TMLHE: variants seen among roughly 807,000 people sequenced by gnomAD.
The protein encoded by TMLHE is trimethyllysine hydroxylase, epsilon, also known as trimethyllysine dioxygenase, mitochondrial.
In TMLHE, 18 loss-of-function variants were observed where a neutral mutation model predicts 25.7. That is an observed-to-expected ratio of 0.70 (90% CI 0.48 to 1.04). TMLHE has a LOEUF of 1.04. Among genes scored for constraint, TMLHE ranks in the 50% least tolerant of loss-of-function variants. TMLHE has a pLI of 0.00. For synonymous variants in TMLHE, 105 were observed against 97.0 expected, an observed-to-expected ratio of 1.08 and a Z score of -0.49; for missense variants, 236 against 259.0, an observed-to-expected ratio of 0.91 and a Z score of 0.61.
At chrX:155,557,534 A>C (rs1169374466) in intron 1 of TMLHE, among the ~76,000 whole-genome samples, 1 of 112,143 alleles carries the variant, frequency 8.9e-6, no homozygotes, top group Non-Finnish European at 1.9e-5. Flanking sequence ...CACGTCTTCA[A>C]ATATTGTTTC....
intron 2 of TMLHE, among the ~76,000 whole-genome samples, chrX:155,542,935 GGTGT>G (rs781984053): frequency 9.3e-6 from 1 of 107,535 alleles, no homozygotes; most frequent in African/African-American, 3.4e-5. Context: ...TATTTTAAGG[GGTGT>G]GTGTGTGTGT....
chrX:155,577,171 A>C (rs1336123598), intron 1 of TMLHE, among the ~76,000 whole-genome samples: 3 of 112,324 alleles, frequency 2.7e-5, no homozygotes, highest in Admixed American at 1.9e-4. Flanking sequence ...AAAACCAAAC[A>C]ACCCCATTAA....
chrX:155,570,661 T>C (rs2067543364), intron 1 of TMLHE, among the ~76,000 whole-genome samples: 1 of 57,008 alleles, frequency 1.8e-5, no homozygotes, highest in African/African-American at 4.2e-5. Flanking sequence ...GCAATCAAAC[T>C]AGAACTCAGG....
intron 1 of TMLHE, among the ~76,000 whole-genome samples, chrX:155,565,675 AG>A (rs1557342135): frequency 1.6e-5 from 1 of 62,000 alleles, no homozygotes; most frequent in Non-Finnish European, 4.5e-5. Context: ...GTGCCAAGTA[AG>A]GTTTTTCTGA....
intron 1 of TMLHE, among the ~76,000 whole-genome samples, chrX:155,602,342 T>C (rs1003528914): frequency 9.0e-6 from 1 of 111,292 alleles, no homozygotes; most frequent in South Asian, 3.7e-4. Context: ...ATAAGCCATC[T>C]GACAAAATCT....
chrX:155,530,975 C>A (rs1557337022), intron 2 of TMLHE, among the ~76,000 whole-genome samples: 2 of 112,416 alleles, frequency 1.8e-5, no homozygotes, highest in Non-Finnish European at 3.8e-5. Context: ...GAGCAAACAA[C>A]AGACCAGAAG....
chrX:155,514,970 A>G (rs1484719588), intron 3 of TMLHE, among the ~76,000 whole-genome samples: 2 of 111,959 alleles, frequency 1.8e-5, no homozygotes, highest in African/African-American at 6.5e-5. Flanking sequence ...AAGCAGCAGA[A>G]GGAGTGAAAG....
chrX:155,537,790 A>T (rs2067287683), intron 2 of TMLHE, among the ~76,000 whole-genome samples: 1 of 110,018 alleles, frequency 9.1e-6, no homozygotes, highest in Admixed American at 9.8e-5. Flanking sequence ...TCAAGTTCCT[A>T]CCTCCTGTGC....
chrX:155,611,333 T>G (rs1460709717), intron 1 of TMLHE: 2 of 111,332 alleles, frequency 1.8e-5, no homozygotes, highest in Admixed American at 1.9e-4. Flanking sequence ...CGTGTTCAGT[T>G]TGCAGGAAGA....
At chrX:155,510,393 TC>T (rs1336187686) in intron 5 of TMLHE, among the ~76,000 whole-genome samples, 1 of 50,674 alleles carries the variant, frequency 2.0e-5, no homozygotes, top group East Asian at 7.8e-4. Flanking sequence ...ATGCTATCCC[TC>T]CCCCCTCCCC....
chrX:155,580,984 T>C (rs969053729), intron 1 of TMLHE, among the ~76,000 whole-genome samples: 2 of 111,878 alleles, frequency 1.8e-5, no homozygotes, highest in African/African-American at 3.2e-5. Flanking sequence ...CATGATCAAG[T>C]GGGCTTCATC....
chrX:155,523,961 T>C (rs1263414252), intron 3 of TMLHE, among the ~76,000 whole-genome samples: 2 of 112,521 alleles, frequency 1.8e-5, no homozygotes, highest in Non-Finnish European at 3.8e-5. Flanking sequence ...TGTTTAAGTA[T>C]ATAGAAATAT....
chrX:155,547,717 A>C (rs1296463381), intron 1 of TMLHE, among the ~76,000 whole-genome samples: 2 of 86,950 alleles, frequency 2.3e-5, no homozygotes, highest in Admixed American at 2.5e-4. Flanking sequence ...AACTGATTGT[A>C]AAAAAAAAAA....
chrX:155,612,018 A>G (rs1411361491), intron 1 of TMLHE: 1 of 112,048 alleles, frequency 8.9e-6, no homozygotes, highest in Non-Finnish European at 1.9e-5. Flanking sequence ...CAACTCATTT[A>G]TCATGAGACT....
chrX:155,521,885 C>G (rs2067188956), intron 3 of TMLHE, among the ~76,000 whole-genome samples: 1 of 88,187 alleles, frequency 1.1e-5, no homozygotes, highest in Non-Finnish European at 2.2e-5. Context: ...TCGGCTCGCG[C>G]ACGGTGCGCA....
intron 5 of TMLHE, among the ~76,000 whole-genome samples, chrX:155,510,384 T>A (rs2067100532): frequency 1.1e-5 from 1 of 92,844 alleles, no homozygotes; most frequent in African/African-American, 3.9e-5. Flanking sequence ...TATCTCCCGA[T>A]GCTATCCCTC....
chrX:155,558,137 C>G (rs2067471138), intron 1 of TMLHE, among the ~76,000 whole-genome samples: 1 of 112,025 alleles, frequency 8.9e-6, no homozygotes, highest in Non-Finnish European at 1.9e-5. Context: ...TGAGCTACCT[C>G]TCAGCCTAAC....
intron 1 of TMLHE, among the ~76,000 whole-genome samples, chrX:155,597,459 C>A (rs1291142176): frequency 9.0e-6 from 1 of 111,282 alleles, no homozygotes; most frequent in Non-Finnish European, 1.9e-5. Flanking sequence ...GGATCTAGAA[C>A]TAGAAATGCC....
chrX:155,511,992 T>C (rs901856430), intron 4 of TMLHE, among the ~76,000 whole-genome samples, 200 bp from the exon 5 acceptor site: 1 of 111,026 alleles, frequency 9.0e-6, no homozygotes, highest in African/African-American at 3.3e-5. Flanking sequence ...TTCTAGAAAG[T>C]TGGGGAGAAA....
Sources: allele counts gnomAD v4.1 joint callset (sites outside exome capture counted in the v4.1 genomes callset), GRCh38; gene constraint gnomAD v4.1.1; transcripts MANE v1.5; gene names NCBI Gene and HGNC (gene_info 2026-07-23, HGNC 2026-07-21).